The following PCDHGA1 variants were observed in gnomAD, a reference collection of about 807,000 sequenced individuals.
PCDHGA1 encodes protocadherin gamma subfamily A, 1, also known as protocadherin gamma-A1.
PCDHGA1 carries 32 observed loss-of-function variants against 58.0 expected under a neutral mutation model. The observed-to-expected ratio is 0.55, with a 90% CI of 0.42 to 0.74. The LOEUF (loss-of-function observed/expected upper bound fraction) is 0.74, where lower values mean the gene tolerates loss of function less well. Ranked by LOEUF, PCDHGA1 falls within the 30% of genes least tolerant of loss-of-function variation. The pLI is 0.00. For missense variants in PCDHGA1, 1,205 were observed against 1,182.3 expected (o/e 1.02, Z -0.28); for synonymous variants, 498 against 501.1 (o/e 0.99, Z 0.08).
At chr5:141,483,854 T>C (rs2154580004) in intron 1 of PCDHGA1, among the ~76,000 whole-genome samples, 1 of 152,236 alleles carries the variant, frequency 6.6e-6, no homozygotes, top group South Asian at 2.1e-4. Flanking sequence ...ATTAAGAAAT[T>C]TCATGTCCAG....
At chr5:141,382,874 GC>G in intron 1 of PCDHGA1, 1 of 1,523,072 alleles carries the variant, frequency 6.6e-7, no homozygotes, top group Non-Finnish European at 8.8e-7. Context: ...CGAGATCGGC[GC>G]CTAAGCAAGA....
At chr5:141,366,749 C>T in intron 1 of PCDHGA1, 1 of 1,609,608 alleles carries the variant, frequency 6.2e-7, no homozygotes, top group Admixed American at 1.7e-5. Flanking sequence ...ACGGCGAGTT[C>T]AGGTTAGTTT....
intron 1 of PCDHGA1, chr5:141,384,825 C>G (rs570988671): frequency 6.2e-7 from 1 of 1,613,356 alleles, no homozygotes; most frequent in Non-Finnish European, 8.5e-7. Context: ...AGCAGAGCCT[C>G]GTGGTGGCCG....
chr5:141,365,365 C>T (rs761258930), intron 1 of PCDHGA1: 23 of 1,613,810 alleles, frequency 1.4e-5, no homozygotes, highest in Non-Finnish European at 1.9e-5. Context: ...ACAATGCCCC[C>T]GAAGTGATCC....
rs1396744157 is a variant in PCDHGA1 at position 141,432,439 on chromosome 5, C to G, written c.2422-62368C>G. 22 of 1,614,108 alleles carry G rather than the reference C, an allele frequency of 1.4e-5. No individual in the cohort carries two copies. The highest frequency in any genetic ancestry group is 1.7e-5 in the Non-Finnish European group (20 of 1,180,052). On this transcript the variant is annotated intron_variant, in intron 1 of 3. Coordinates refer to ENST00000517417, the MANE Select transcript of PCDHGA1 (RefSeq NM_018912.3). This position sits in a 1 kb window ranked among gnomAD's most constrained non-coding sequence, Gnocchi z 6.0. ...TGCTGGACCAGAACGACAATGCGCCCGAGATCCTGTACCCCGCCCTCCCCA... is the reference window on the plus strand; with the variant it reads ...TGCTGGACCAGAACGACAATGCGCCGGAGATCCTGTACCCCGCCCTCCCCA...
chr5:141,510,428 G>A (rs1254357998), intron 3 of PCDHGA1, among the ~76,000 whole-genome samples: 2 of 152,092 alleles, frequency 1.3e-5, no homozygotes, highest in African/African-American at 4.8e-5. Flanking sequence ...TGGTTTCATG[G>A]CTGCTGCCCT....
At position 141,360,833 on chromosome 5, in the gene PCDHGA1, C is replaced by T. The variant is rs760468418; in HGVS notation, c.2421+27728C>T. 6 of 1,613,964 alleles carry T rather than the reference C, an allele frequency of 3.7e-6. No homozygotes were observed. In the South Asian group the frequency reaches 5.5e-5, roughly 15 times the overall value. On this transcript the variant is annotated intron_variant, in intron 1 of 3. Coordinates refer to ENST00000517417, the MANE Select transcript of PCDHGA1 (RefSeq NM_018912.3). ...ACGACCCAAATCCGAATCAAAGTCA[C>T]GGATGCCAACGATAACCCTCCAGTG... is the stretch of plus-strand genomic sequence containing the variant.
intron 1 of PCDHGA1, chr5:141,403,631 C>A (rs751580878): frequency 2.5e-6 from 4 of 1,613,912 alleles, no homozygotes; most frequent in Non-Finnish European, 2.5e-6. Flanking sequence ...CAGCACAGTG[C>A]GCATCCATGT....
At chr5:141,403,306 A>C in intron 1 of PCDHGA1, 1 of 1,613,908 alleles carries the variant, frequency 6.2e-7, no homozygotes, top group Non-Finnish European at 8.5e-7. Context: ...AACTGTACGG[A>C]ATAGAAATAG....
chr5:141,390,526 T>C, intron 1 of PCDHGA1: 1 of 548,274 alleles, frequency 1.8e-6, no homozygotes, highest in East Asian at 3.2e-5. Context: ...AATGAGGGTG[T>C]GGTTTTAACC....
At chr5:141,447,938 T>G in intron 1 of PCDHGA1, among the ~76,000 whole-genome samples, 1 of 151,870 alleles carries the variant, frequency 6.6e-6, no homozygotes, top group Admixed American at 6.6e-5. Flanking sequence ...ATACAAAAAT[T>G]AGCTGGGCAT....
At chr5:141,427,938 G>A in intron 1 of PCDHGA1, 1 of 1,584,968 alleles carries the variant, frequency 6.3e-7, no homozygotes, top group South Asian at 1.1e-5. Context: ...GTTGGTGGGC[G>A]ACCTCAATGA....
At position 141,422,099 on chromosome 5, in the gene PCDHGA1, A is replaced by G. The variant is rs374091819; in HGVS notation, c.2422-72708A>G. ...CGGAACATGGAAAGCAAGGCTTCTG[A>G]AATATTCCAATTGGATTCACAAACT... On this transcript the variant is annotated intron_variant, in intron 1 of 3. Transcript: ENST00000517417. 1.9e-6 allele frequency: 3 copies of G among 1,609,706 alleles called. No homozygotes were observed. The African/African-American group carries it at 4.0e-5, about 22-fold the overall frequency.
chr5:141,431,799 T>A lies in PCDHGA1; in HGVS notation c.2422-63008T>A. 6.2e-7 allele frequency: 1 copy of A among 1,614,228 alleles called. No homozygotes were observed. The highest frequency in any genetic ancestry group is 8.5e-7 in the Non-Finnish European group (1 of 1,180,036). On this transcript the variant is annotated intron_variant, in intron 1 of 3. Transcript: ENST00000517417. This position sits in a 1 kb window ranked among gnomAD's most constrained non-coding sequence, Gnocchi z 4.8. ...GACGTGAACGACAATGCCCCAGAAG[T>A]GGTCCTCACCTCTCTCGCCAGCTCG...
intron 1 of PCDHGA1, among the ~76,000 whole-genome samples, chr5:141,444,095 T>C (rs1012556994): frequency 2.0e-5 from 3 of 150,676 alleles, no homozygotes; most frequent in Admixed American, 1.3e-4. Flanking sequence ...CTGCTAAGGA[T>C]TGGAAACCAA....
chr5:141,383,259 C>G (rs768704302), intron 1 of PCDHGA1: 1 of 1,613,810 alleles, frequency 6.2e-7, no homozygotes, highest in South Asian at 1.1e-5. Context: ...ACCCTATAGA[C>G]GTGGAAATAA....
intron 1 of PCDHGA1, chr5:141,366,719 G>A: frequency 6.2e-7 from 1 of 1,613,834 alleles, no homozygotes; most frequent in Non-Finnish European, 8.5e-7. Flanking sequence ...GTCTGATAAG[G>A]TAGATGCAAA....
chr5:141,413,965 C>G (rs2095696868), intron 1 of PCDHGA1: 2 of 1,613,292 alleles, frequency 1.2e-6, no homozygotes, highest in East Asian at 2.2e-5. Context: ...TGTGGGCACT[C>G]AGCTGCTGAC....
chr5:141,409,872 A>G (rs1283725014), intron 1 of PCDHGA1: 1 of 1,612,710 alleles, frequency 6.2e-7, no homozygotes, highest in Non-Finnish European at 8.5e-7. Flanking sequence ...GACCGCAATG[A>G]CAACGCACCG....
Sources: gnomAD v4.1 joint callset for allele counts (sites outside exome capture counted in the v4.1 genomes callset) on GRCh38, gnomAD v4.1.1 for gene constraint, Gnocchi (gnomAD v3.1) non-coding constraint, MANE v1.5 for transcripts, NCBI Gene and HGNC (gene_info 2026-07-23, HGNC 2026-07-21) for gene names.